DACH2: variants seen among roughly 807,000 people sequenced by gnomAD.
The protein encoded by DACH2 is dachshund family transcription factor 2, also known as dachshund homolog 2.
In DACH2, 17 loss-of-function variants were observed where a neutral mutation model predicts 35.8. The observed-to-expected ratio is 0.48, with a 90% CI of 0.33 to 0.71. The LOEUF (loss-of-function observed/expected upper bound fraction) is 0.71. DACH2 is among the 30% of genes least tolerant of loss of function. The probability of loss-of-function intolerance (pLI) is 0.02; values close to 1 mark genes in which losing one functional copy is unlikely to be tolerated. For missense variants in DACH2, 469 were observed against 472.7 expected, an observed-to-expected ratio of 0.99 and a Z score of 0.07; for synonymous variants, 195 against 177.3, an observed-to-expected ratio of 1.10 and a Z score of -0.79.
In DACH2 at chrX:86,360,618, A is replaced by G. The variant is rs756135217; in HGVS notation, c.489-16206A>G. 2.7e-5 allele frequency among the ~76,000 whole-genome samples: 3 copies of G among 111,152 alleles called. No homozygotes were observed. The South Asian group carries it at 1.1e-3, about 42-fold the overall frequency. On this transcript the variant is annotated intron_variant, in intron 1 of 11. Transcript: ENST00000373125. ...TTATGTAATTGTATATGATTCTTCC[A>G]AAGTCCTGCAGCTAATGTACATTCC...
chrX:86,614,905 T>G (rs1377734840), intron 3 of DACH2, among the ~76,000 whole-genome samples: 1 of 112,029 alleles, frequency 8.9e-6, no homozygotes, highest in African/African-American at 3.2e-5. Context: ...ATACAAAATC[T>G]CGGCCATCAT....
intron 1 of DACH2, among the ~76,000 whole-genome samples, chrX:86,206,281 G>GAA (rs1447327784): frequency 3.9e-5 from 4 of 102,650 alleles, no homozygotes; most frequent in African/African-American, 1.4e-4. Flanking sequence ...TCCAAAAGGG[G>GAA]AAAAAAAAAA....
chrX:86,580,260 GAACAT>G lies in DACH2; in HGVS notation c.640+65870_640+65874del, dbSNP rs762220577. Among the ~76,000 whole-genome samples, 9 of 111,765 alleles carry G rather than the reference GAACAT, an allele frequency of 8.1e-5. No individual in the cohort carries two copies. The South Asian group carries it at 3.3e-3, about 42-fold the overall frequency. ...AGGATAGCAACTTCAAACACTGAAG[GAACAT>G]TAGCACACAGAAATGAGAGAGAACC... On this transcript the variant is annotated intron_variant, in intron 3 of 11. Transcript: ENST00000373125.
chrX:86,361,458 G>A (rs1177664900), intron 1 of DACH2, among the ~76,000 whole-genome samples: 1 of 110,998 alleles, frequency 9.0e-6, no homozygotes, highest in South Asian at 3.7e-4. Context: ...TACCTTTCGA[G>A]CAATCCAGTG....
chrX:86,686,249 T>A (rs1372880840), intron 4 of DACH2, among the ~76,000 whole-genome samples: 7 of 110,173 alleles, frequency 6.4e-5, no homozygotes, highest in African/African-American at 1.3e-4. Context: ...TTATTTATTT[T>A]TTGAGACGGA....
chrX:86,541,404 T>C (rs1248619405), intron 3 of DACH2, among the ~76,000 whole-genome samples: 2 of 111,247 alleles, frequency 1.8e-5, no homozygotes, highest in African/African-American at 6.5e-5. Flanking sequence ...GTATATTTCC[T>C]TTAATAGACA....
chrX:86,696,691 A>G (rs1255561983), intron 5 of DACH2, among the ~76,000 whole-genome samples: 2 of 111,937 alleles, frequency 1.8e-5, no homozygotes, highest in Non-Finnish European at 3.8e-5. Context: ...TGGTAGAAGC[A>G]TTTAAAAGAT....
Position 86,827,621 on chromosome X carries a change from A to C in DACH2, c.1751-4485A>C, listed in dbSNP as rs1351634995. The C allele has an allele frequency of 1.7e-5, 8 of 460,814 alleles. No homozygotes were observed. In the Admixed American group the frequency reaches 2.3e-4, roughly 13 times the overall value. 38.0% of individuals were successfully genotyped at this position (460,814 alleles called of 1,213,427 possible). ...AATAAAATAATACATTAATTGCGAG[A>C]GATATATTCAAATCTTGAACATATA... On this transcript the variant is annotated intron_variant, in intron 11 of 11. Transcript: ENST00000373125.
intron 6 of DACH2, among the ~76,000 whole-genome samples, chrX:86,715,894 G>A (rs17318630): frequency 0.23 from 25,053 of 110,856 alleles, 2,342 homozygotes; most frequent in Admixed American, 0.44. Flanking sequence ...GATAGGCATG[G>A]AAGTGAAAGA....
chrX:86,530,485 C>T (rs1352921914), intron 3 of DACH2, among the ~76,000 whole-genome samples: 1 of 110,853 alleles, frequency 9.0e-6, no homozygotes, highest in Non-Finnish European at 1.9e-5. Flanking sequence ...ATGGTACTTC[C>T]TTTCTCTCTC....
At chrX:86,317,395 T>C (rs1320602099) in intron 1 of DACH2, among the ~76,000 whole-genome samples, 1 of 112,060 alleles carries the variant, frequency 8.9e-6, no homozygotes, top group Admixed American at 9.5e-5. Context: ...CAAGATTTTC[T>C]ACATTACCCA....
chrX:86,216,482 A>T (rs761971757), intron 1 of DACH2, among the ~76,000 whole-genome samples: 21 of 109,941 alleles, frequency 1.9e-4, no homozygotes, highest in Non-Finnish European at 3.8e-4. Flanking sequence ...TCCTTGTGAT[A>T]GTTTGCTTAG....
chrX:86,707,504 A>G (rs1569471044), intron 5 of DACH2, among the ~76,000 whole-genome samples: 1 of 111,807 alleles, frequency 8.9e-6, no homozygotes, highest in Non-Finnish European at 1.9e-5. Context: ...TTACCTAAAT[A>G]CCAAAATACC....
At chrX:86,284,165 T>C (rs1324996814) in intron 1 of DACH2, among the ~76,000 whole-genome samples, 2 of 111,798 alleles carry the variant, frequency 1.8e-5, no homozygotes, top group Non-Finnish European at 3.8e-5. Context: ...GTGGGCATTC[T>C]TGTCATGTTC....
intron 7 of DACH2, among the ~76,000 whole-genome samples, chrX:86,812,528 T>C (rs112011778): frequency 0.031 from 3,407 of 111,700 alleles, 127 homozygotes; most frequent in African/African-American, 0.1. Flanking sequence ...AAAAATAAAA[T>C]GTTGCTTGTT....
intron 3 of DACH2, among the ~76,000 whole-genome samples, chrX:86,581,180 AG>A: frequency 8.9e-6 from 1 of 111,908 alleles, no homozygotes. Context: ...GCAAATGCTA[AG>A]GGCAATTTTA....
At chrX:86,800,786 C>T (rs915717058) in intron 7 of DACH2, among the ~76,000 whole-genome samples, 6 of 111,168 alleles carry the variant, frequency 5.4e-5, no homozygotes, top group Non-Finnish European at 1.1e-4. Context: ...TCTCCTGCCT[C>T]AGCCTCCCGA....
At chrX:86,746,927 A>G (rs1351651437) in intron 7 of DACH2, among the ~76,000 whole-genome samples, 2 of 111,269 alleles carry the variant, frequency 1.8e-5, no homozygotes, top group Non-Finnish European at 3.8e-5. Flanking sequence ...TTGAACATTC[A>G]ATCATCCTAG....
Position 86,491,172 on chromosome X carries a change from A to T in DACH2, c.528-23107A>T, listed in dbSNP as rs374461555. On this transcript the variant is annotated intron_variant, in intron 2 of 11. Transcript: ENST00000373125. The stretch of plus-strand genomic sequence containing the variant: ...CATGAAAATAAAACTATAGCCTAAA[A>T]TGTGAAAAATTCAGTCTGTCTGTCT... 3.6e-5 allele frequency among the ~76,000 whole-genome samples: 4 copies of T among 112,028 alleles called. No individual in the cohort carries two copies. In the East Asian group the frequency reaches 1.1e-3, roughly 31 times the overall value.
Sources: allele counts gnomAD v4.1 joint callset (sites outside exome capture counted in the v4.1 genomes callset), GRCh38; gene constraint gnomAD v4.1.1; transcripts MANE v1.5; gene names NCBI Gene and HGNC (gene_info 2026-07-23, HGNC 2026-07-21).